AFTPH: variants seen among roughly 807,000 people sequenced by gnomAD.
AFTPH encodes aftiphilin.
AFTPH carries 7 observed loss-of-function variants against 72.5 expected under a neutral mutation model. That is an observed-to-expected ratio of 0.10 (90% CI 0.05 to 0.18). The LOEUF is 0.18. Ranked by LOEUF, AFTPH falls within the 10% of genes least tolerant of loss-of-function variation. The pLI is 1.00. For missense variants in AFTPH, 979 were observed against 1,060.5 expected (o/e 0.92, Z 1.07); for synonymous variants, 337 against 370.1 (o/e 0.91, Z 1.03).
intron 2 of AFTPH, among the ~76,000 whole-genome samples, chr2:64,554,385 C>A (rs1215356668): frequency 6.6e-6 from 1 of 152,194 alleles, no homozygotes; most frequent in Non-Finnish European, 1.5e-5. Context: ...CTGCCTTATA[C>A]TGACAATTGA....
intron 1 of AFTPH, among the ~76,000 whole-genome samples, chr2:64,527,024 T>A (rs983922830): frequency 2.0e-5 from 3 of 152,226 alleles, no homozygotes; most frequent in Non-Finnish European, 4.4e-5. Context: ...CTGTGATTTG[T>A]GCAATATGTA....
At chr2:64,579,295 C>CTGTT (rs1673020223) in intron 6 of AFTPH, among the ~76,000 whole-genome samples, 191 bp from the exon 7 acceptor site, 3 of 152,186 alleles carry the variant, frequency 2.0e-5, no homozygotes, top group African/African-American at 7.2e-5. Flanking sequence ...ATAACCTGTA[C>CTGTT]TGTTTGTAAA....
In AFTPH at chr2:64,589,950, G is replaced by C. The variant is rs879288962; in HGVS notation, c.2580-1935G>C. Among the ~76,000 whole-genome samples, 111 of 35,658 alleles carry C rather than the reference G, an allele frequency of 3.1e-3. 2 individuals are homozygous for C. Among genetic ancestry groups the C allele is most frequent in the African/African-American group, 0.01 (74 of 7,324 alleles). The allele number at this position is 35,658 out of a possible 152,430, so 23.4% of individuals were successfully genotyped here. A position where few individuals can be genotyped will look rare whatever the true frequency, so the allele number is the denominator to read the frequency against. ...TCCTATGCAAATACATATATGGGGG[G>C]GGGGGGGGGGTTTCCACCAAAAATG... On this transcript the variant is annotated intron_variant, in intron 8 of 8. Coordinates refer to ENST00000238856, the Ensembl canonical transcript of AFTPH.
chr2:64,592,115 T>TAAAA (rs35699964), exon 9 of AFTPH: 16,086 of 839,428 alleles, frequency 0.019, 5 homozygotes, highest in South Asian at 0.025. Context: ...CTGCTCTAAT[T>TAAAA]AAAAAAAAAA....
intron 2 of AFTPH, among the ~76,000 whole-genome samples, chr2:64,566,249 A>C (rs898387176): frequency 2.0e-5 from 3 of 151,434 alleles, no homozygotes; most frequent in Non-Finnish European, 4.4e-5. Flanking sequence ...CTTAGGGTTC[A>C]TAATTGATAG....
intron 1 of AFTPH, among the ~76,000 whole-genome samples, chr2:64,528,329 G>A (rs776326069): frequency 1.3e-5 from 2 of 151,946 alleles, no homozygotes; most frequent in African/African-American, 2.4e-5. Context: ...CTATTTGTCC[G>A]GCCCTGTTCT....
rs1167287012 is a variant in AFTPH at position 64,528,920 on chromosome 2, T to TAGAAA, written c.-33+4309_-33+4310insGAAAA. On this transcript the variant is annotated intron_variant, in intron 1 of 8. Coordinates refer to ENST00000238856, the Ensembl canonical transcript of AFTPH. The stretch of plus-strand genomic sequence containing the variant: ...TGTAAAAGGATCTGTCTAGCTGTTA[T>TAGAAA]ATAGAAAATAGACTATAGGAGTGGA... Among the ~76,000 whole-genome samples, 8 of 152,320 alleles carry TAGAAA rather than the reference T, an allele frequency of 5.3e-5. No individual in the cohort carries two copies. The East Asian group carries it at 1.5e-3, about 29-fold the overall frequency.
intron 1 of AFTPH, chr2:64,525,701 C>A (rs542572618): frequency 6.6e-6 from 1 of 152,320 alleles, no homozygotes; most frequent in East Asian, 1.9e-4. Flanking sequence ...ACTCTAGGGA[C>A]AACAAATGTT....
chr2:64,564,908 G>A (rs1671970712), intron 2 of AFTPH, among the ~76,000 whole-genome samples: 1 of 150,818 alleles, frequency 6.6e-6, no homozygotes, highest in Admixed American at 6.6e-5. Flanking sequence ...CATGATCTCA[G>A]CTCACTGCCA....
At chr2:64,552,387 G>A in exon 2 of AFTPH, 1 of 1,614,066 alleles carries the variant, frequency 6.2e-7, no homozygotes, top group Non-Finnish European at 8.5e-7. Context: ...AATAAGCATA[G>A]TGACTAACAG....
chr2:64,543,238 A>G (rs1201023948), intron 1 of AFTPH, among the ~76,000 whole-genome samples: 1 of 152,208 alleles, frequency 6.6e-6, no homozygotes, highest in Non-Finnish European at 1.5e-5. Flanking sequence ...ATTGTTCCAC[A>G]TTGACTTGTA....
chr2:64,552,549 G>A (rs1358139358), exon 2 of AFTPH: 1 of 1,614,008 alleles, frequency 6.2e-7, no homozygotes, highest in Non-Finnish European at 8.5e-7. Flanking sequence ...AGAAAAACTT[G>A]ACTTACTTAC....
chr2:64,577,909 G>A (rs1227214368), intron 6 of AFTPH, among the ~76,000 whole-genome samples: 2 of 152,060 alleles, frequency 1.3e-5, no homozygotes, highest in African/African-American at 4.8e-5. Flanking sequence ...TGTGTATATA[G>A]TTCTATATCA....
At chr2:64,588,062 T>C (rs1673611482) in intron 8 of AFTPH, among the ~76,000 whole-genome samples, 1 of 152,160 alleles carries the variant, frequency 6.6e-6, no homozygotes. Context: ...TCCAAAACAT[T>C]TTTATCACCC....
At chr2:64,588,118 C>T (rs1333728758) in intron 8 of AFTPH, among the ~76,000 whole-genome samples, 3 of 152,158 alleles carry the variant, frequency 2.0e-5, no homozygotes, top group East Asian at 3.8e-4. Flanking sequence ...TTATCCCTCT[C>T]GTTCCCCAGG....
rs369335826 is a variant in AFTPH, at chr2:64,591,943, C to T, written c.2638C>T (p.Leu880Phe). The stretch of plus-strand genomic sequence containing the variant: ...AGAAGCTATCAAGGTGATCGCTGGC[C>T]TTCCTGACTTAACATTCATGCATGC... The change falls in exon 9 of 9, where the codon CTT becomes TTT. Residue 880 changes from leucine to phenylalanine, a missense_variant. Around this residue, in one of 3 missense-constraint regions of AFTPH, gnomAD observed 438 missense variants for 530.0 expected, o/e 0.83. Coordinates refer to ENST00000238856, the Ensembl canonical transcript of AFTPH. The T allele has an allele frequency of 3.7e-6, 6 of 1,613,832 alleles. No homozygotes were observed. In the African/African-American group the frequency reaches 8.0e-5, roughly 22 times the overall value.
chr2:64,583,202 C>T lies in AFTPH; in HGVS notation c.2456-2220C>T, dbSNP rs147573205. On this transcript the variant is annotated intron_variant, in intron 7 of 8. Coordinates refer to ENST00000238856, the Ensembl canonical transcript of AFTPH. The stretch of plus-strand genomic sequence containing the variant: ...TGACTTGTTTCTGGGAAAGTCATTT[C>T]GTCTTAGCTTGCGGTTATTTAATTA... Among the ~76,000 whole-genome samples the T allele has an allele frequency of 1.5e-4, 22 of 151,436 alleles. No individual in the cohort carries two copies. The East Asian group carries it at 2.5e-3, about 17-fold the overall frequency.
At chr2:64,548,507 A>G (rs917329502) in intron 1 of AFTPH, among the ~76,000 whole-genome samples, 5 of 150,852 alleles carry the variant, frequency 3.3e-5, no homozygotes, top group Admixed American at 3.3e-4. Context: ...TAACTTGCCT[A>G]AATAATCCCT....
chr2:64,542,090 T>C (rs115744965), intron 1 of AFTPH, among the ~76,000 whole-genome samples: 239 of 152,342 alleles, frequency 1.6e-3, no homozygotes, highest in African/African-American at 5.6e-3. Context: ...AAAGATGATG[T>C]ACACATTGAT....
Sources: gnomAD v4.1 joint callset for allele counts (sites outside exome capture counted in the v4.1 genomes callset) on GRCh38, gnomAD v4.1.1 for gene constraint, gnomAD v4.1.1 regional missense constraint, MANE v1.5 for transcripts, NCBI Gene and HGNC (gene_info 2026-07-23, HGNC 2026-07-21) for gene names.